The following KBTBD12 variants were observed in gnomAD, a reference collection of about 807,000 sequenced individuals.
KBTBD12 encodes kelch repeat and BTB domain-containing protein 12.
A neutral mutation model predicts 58.7 loss-of-function variants in KBTBD12; 53 were observed. The ratio of observed to expected loss-of-function variants is 0.90; its 90% CI spans 0.72 to 1.14. The LOEUF is 1.14. Among genes scored for constraint, KBTBD12 ranks in the 50% most tolerant of loss-of-function variants. KBTBD12 has a pLI of 0.00. For missense variants in KBTBD12, 704 were observed against 751.3 expected (o/e 0.94, Z 0.74); for synonymous variants, 236 against 259.8 (o/e 0.91, Z 0.88).
rs375075787 is a variant in KBTBD12 at position 127,930,117 on chromosome 3, G to A, written c.1342-16G>A. On this transcript the variant is annotated splice_polypyrimidine_tract_variant and intron_variant, in intron 3 of 5. Coordinates refer to ENST00000405109, the MANE Select transcript of KBTBD12 (RefSeq NM_207335.4). ...TAAATGATATGTTATTATATTGGCT[G>A]TCATATTTCATACAGATGGATCTTC... is the stretch of plus-strand genomic sequence containing the variant. The A allele has an allele frequency of 5.1e-6, 8 of 1,565,054 alleles. No homozygotes were observed. Among genetic ancestry groups the A allele is most frequent in the South Asian group, 1.2e-5 (1 of 85,428 alleles).
intron 5 of KBTBD12, among the ~76,000 whole-genome samples, chr3:127,965,940 G>C (rs16839533): frequency 0.15 from 23,086 of 152,134 alleles, 1,972 homozygotes; most frequent in South Asian, 0.32. Flanking sequence ...ATAATCTCAG[G>C]AGTTGGCAAC....
intron 5 of KBTBD12, among the ~76,000 whole-genome samples, chr3:127,983,340 G>C (rs1940904724): frequency 6.6e-6 from 1 of 152,180 alleles, no homozygotes; most frequent in Admixed American, 6.5e-5. Flanking sequence ...CGGTGCTGGA[G>C]GTGGGGCCTA....
chr3:127,986,436 T>C lies in KBTBD12; in HGVS notation c.*2158T>C, dbSNP rs1308456792. The stretch of plus-strand genomic sequence containing the variant: ...AGCAAGGTGCCCAAAACAGACTCAG[T>C]GCTTTAGGGAAGTGGGGCAGATGTG... On this transcript the variant is annotated 3_prime_UTR_variant, in exon 6 of 6. Coordinates refer to ENST00000405109, the MANE Select transcript of KBTBD12 (RefSeq NM_207335.4). 1 of 152,228 alleles carries C rather than the reference T, an allele frequency of 6.6e-6. No homozygotes were observed. Among genetic ancestry groups the C allele is most frequent in the Non-Finnish European group, 1.5e-5 (1 of 68,004 alleles). 9.4% of individuals were successfully genotyped at this position (152,228 alleles called of 1,614,324 possible).
At chr3:127,956,510 A>C (rs1045855588) in intron 4 of KBTBD12, among the ~76,000 whole-genome samples, 3 of 152,226 alleles carry the variant, frequency 2.0e-5, no homozygotes, top group African/African-American at 7.2e-5. Flanking sequence ...CACCCAGTAC[A>C]AACATGAGTG....
chr3:127,979,199 T>C (rs987185605), intron 5 of KBTBD12, among the ~76,000 whole-genome samples: 4 of 152,148 alleles, frequency 2.6e-5, no homozygotes, highest in Non-Finnish European at 4.4e-5. Flanking sequence ...TAGCATATAA[T>C]CCAAAATTAC....
intron 5 of KBTBD12, among the ~76,000 whole-genome samples, chr3:127,964,058 T>C (rs926036213): frequency 6.6e-6 from 1 of 152,208 alleles, no homozygotes; most frequent in Non-Finnish European, 1.5e-5. Context: ...TTTTTTAATG[T>C]AACAATGAGA....
chr3:127,963,668 G>A (rs1469515925), intron 5 of KBTBD12: 2 of 334,774 alleles, frequency 6.0e-6, no homozygotes, highest in East Asian at 1.1e-4. Context: ...ACTAAGCAGG[G>A]TCGGGCCTGA....
chr3:127,932,887 A>C (rs866894440), intron 4 of KBTBD12, among the ~76,000 whole-genome samples: 2 of 152,192 alleles, frequency 1.3e-5, no homozygotes, highest in Non-Finnish European at 1.5e-5. Flanking sequence ...TAGTCATAAA[A>C]GCAGATAAAT....
intron 5 of KBTBD12, among the ~76,000 whole-genome samples, chr3:127,982,889 G>A (rs985383889): frequency 3.3e-5 from 5 of 152,202 alleles, no homozygotes; most frequent in African/African-American, 1.2e-4. Context: ...GCGTTCTAAA[G>A]GTCCCTTGAC....
chr3:127,947,427 A>G (rs183620261), intron 4 of KBTBD12, among the ~76,000 whole-genome samples: 12 of 152,262 alleles, frequency 7.9e-5, no homozygotes, highest in Non-Finnish European at 1.8e-4. Context: ...TGTCTCCTCT[A>G]TCCTGGAAGA....
intron 5 of KBTBD12, among the ~76,000 whole-genome samples, chr3:127,971,834 A>T (rs1051925636): frequency 6.6e-6 from 1 of 151,988 alleles, no homozygotes; most frequent in East Asian, 1.9e-4. Flanking sequence ...CCCAAACAAC[A>T]TTTTCACCTT....
chr3:127,947,541 T>A (rs997208570), intron 4 of KBTBD12, among the ~76,000 whole-genome samples: 52 of 152,214 alleles, frequency 3.4e-4, no homozygotes, highest in African/African-American at 1.2e-3. Flanking sequence ...ACCACATGTG[T>A]GTTTGTGGCA....
intron 1 of KBTBD12, among the ~76,000 whole-genome samples, chr3:127,920,060 A>C (rs1438489881): frequency 6.6e-6 from 1 of 152,158 alleles, no homozygotes; most frequent in Non-Finnish European, 1.5e-5. Flanking sequence ...GAAGGGAAAC[A>C]CTGTCTTGAA....
chr3:127,938,054 T>C (rs1021789576), intron 4 of KBTBD12, among the ~76,000 whole-genome samples: 3 of 152,154 alleles, frequency 2.0e-5, no homozygotes, highest in African/African-American at 7.2e-5. Flanking sequence ...TTTTAAAGTA[T>C]GTCTTTAAGC....
intron 4 of KBTBD12, among the ~76,000 whole-genome samples, chr3:127,962,763 G>A (rs1037560466): frequency 2.4e-4 from 36 of 152,322 alleles, no homozygotes; most frequent in African/African-American, 8.2e-4. Flanking sequence ...AGCTTGCAAT[G>A]ATAAGGGATG....
chr3:127,983,491 A>C (rs1207317585), intron 5 of KBTBD12, among the ~76,000 whole-genome samples: 6 of 152,294 alleles, frequency 3.9e-5, no homozygotes, highest in African/African-American at 1.4e-4. Flanking sequence ...GTGGTGGCTC[A>C]CGCCTGTAAT....
Position 127,984,373 on chromosome 3 carries a change from T to G in KBTBD12, c.*95T>G. 1 of 1,136,318 alleles carries G rather than the reference T, an allele frequency of 8.8e-7. No individual in the cohort carries two copies. Among genetic ancestry groups the G allele is most frequent in the South Asian group, 1.5e-5 (1 of 68,182 alleles). The allele number at this position is 1,136,318 out of a possible 1,614,324, so 70.4% of individuals were successfully genotyped here. ...TCTCTGTCATGCCAGTCATGTGCAC[T>G]GCATGCGTAGTGGCCTGTGTGTGAA... On this transcript the variant is annotated 3_prime_UTR_variant, in exon 6 of 6. Transcript: ENST00000405109.
At chr3:127,938,875 G>A (rs1409930178) in intron 4 of KBTBD12, among the ~76,000 whole-genome samples, 2 of 152,140 alleles carry the variant, frequency 1.3e-5, no homozygotes, top group East Asian at 1.9e-4. Flanking sequence ...GCATGTATTT[G>A]AAGACTCTGT....
At chr3:127,916,066 C>T (rs1475681776) in intron 1 of KBTBD12, among the ~76,000 whole-genome samples, 1 of 152,194 alleles carries the variant, frequency 6.6e-6, no homozygotes, top group Non-Finnish European at 1.5e-5. Flanking sequence ...CATTTTCCCC[C>T]AAATGATTCT....
Sources: allele counts gnomAD v4.1 joint callset (sites outside exome capture counted in the v4.1 genomes callset), GRCh38; gene constraint gnomAD v4.1.1; transcripts MANE v1.5; gene names NCBI Gene and HGNC (gene_info 2026-07-23, HGNC 2026-07-21).